Variants in ANKRD36C observed in about 807,000 individuals in gnomAD.
ANKRD36C encodes the protein ankyrin repeat domain 36C.
In ANKRD36C, 61 loss-of-function variants were observed where a neutral mutation model predicts 276.4. The observed-to-expected ratio is 0.22, with a 90% confidence interval of 0.18 to 0.27. The LOEUF is 0.27. ANKRD36C is among the 10% of genes least tolerant of loss of function. ANKRD36C has a pLI of 1.00. For synonymous variants in ANKRD36C, 483 were observed against 680.1 expected, an observed-to-expected ratio of 0.71 and a Z score of 4.51; for missense variants, 1,447 against 2,032.3, an observed-to-expected ratio of 0.71 and a Z score of 5.54.
intron 3 of ANKRD36C, among the ~76,000 whole-genome samples, chr2:95,982,792 G>C (rs928257974): frequency 1.1e-4 from 12 of 113,536 alleles, no homozygotes; most frequent in Admixed American, 3.0e-4. Context: ...TCTATAGAGC[G>C]GTGTTTCTTA....
chr2:95,895,738 G>A (rs1486371713), intron 44 of ANKRD36C, 148 bp from the exon 61 acceptor site: 2 of 1,390,018 alleles, frequency 1.4e-6, no homozygotes, highest in Non-Finnish European at 9.8e-7. Context: ...GGGACCAGAA[G>A]GTGACAGAAA....
chr2:95,884,175 G>T, exon 54 of ANKRD36C: 3 of 1,606,392 alleles, frequency 1.9e-6, no homozygotes, highest in East Asian at 4.5e-5. Flanking sequence ...AAAATTACCT[G>T]TCCCAGATTT....
At chr2:95,883,702 T>G (rs934555756) in intron 54 of ANKRD36C, among the ~76,000 whole-genome samples, 1 of 152,080 alleles carries the variant, frequency 6.6e-6, no homozygotes, top group Non-Finnish European at 1.5e-5. Context: ...CCCTCCTTTC[T>G]GCCTGACAAT....
chr2:95,850,785 C>T (rs1675275776), downstream of ANKRD36C, among the ~76,000 whole-genome samples: 1 of 152,146 alleles, frequency 6.6e-6, no homozygotes, highest in Admixed American at 6.5e-5. Flanking sequence ...ATTATTATCA[C>T]GAGTGTGGGG....
At chr2:95,940,221 A>T (rs996192600) in intron 20 of ANKRD36C, among the ~76,000 whole-genome samples, 3 of 152,304 alleles carry the variant, frequency 2.0e-5, no homozygotes. Context: ...ATGGGGTTTC[A>T]CCATGTTAGC....
chr2:95,962,847 G>A (rs1338012211), intron 6 of ANKRD36C, among the ~76,000 whole-genome samples: 1 of 151,924 alleles, frequency 6.6e-6, no homozygotes, highest in African/African-American at 2.4e-5. Context: ...AAACAAATGT[G>A]GTCTAAAAAC....
intron 59 of ANKRD36C, among the ~76,000 whole-genome samples, chr2:95,876,198 C>T (rs1451827717): frequency 1.3e-5 from 2 of 151,952 alleles, no homozygotes; most frequent in Non-Finnish European, 2.9e-5. Context: ...AATAGAAGTG[C>T]AAACAATATC....
At chr2:95,948,658 C>T (rs540408613) in intron 16 of ANKRD36C, 62 bp from the exon 17 acceptor site, 23 of 1,495,360 alleles carry the variant, frequency 1.5e-5, no homozygotes, top group African/African-American at 1.1e-4. Context: ...AAACAAAAAC[C>T]GTCAGTCTAT....
intron 66 of ANKRD36C, 28 bp downstream of exon 86, chr2:95,851,666 T>C: frequency 6.9e-7 from 1 of 1,449,168 alleles, no homozygotes. Flanking sequence ...TCCTTTTCAG[T>C]ATGACAGAAA....
Position 95,948,602 on chromosome 2 carries a change from G to C in ANKRD36C, c.1296-6C>G, listed in dbSNP as rs1412399063. 3 of 1,534,154 alleles carry C rather than the reference G, an allele frequency of 2.0e-6. No homozygotes were observed. Among genetic ancestry groups the C allele is most frequent in the African/African-American group, 1.4e-5 (1 of 72,784 alleles). ...GGTCCAGTAGGTAGAGACACCTACA[G>C]AGCAAAAAGATATGAAAAAAATGAG... On this transcript the variant is annotated splice_polypyrimidine_tract_variant and splice_region_variant and intron_variant, in intron 16 of 66. Coordinates refer to ENST00000456556, the Ensembl canonical transcript of ANKRD36C.
intron 32 of ANKRD36C, among the ~76,000 whole-genome samples, chr2:95,922,399 G>A (rs1032059376): frequency 6.6e-6 from 1 of 151,448 alleles, no homozygotes; most frequent in African/African-American, 2.4e-5. Flanking sequence ...TATCCATGTG[G>A]TGCAACAATT....
chr2:95,912,463 C>G (rs1357805004), intron 40 of ANKRD36C, 28 bp from the exon 43 acceptor site: 1 of 1,604,696 alleles, frequency 6.2e-7, no homozygotes, highest in Non-Finnish European at 8.5e-7. Context: ...TACATAATCA[C>G]TCACACGTAA....
At chr2:95,851,507 T>C (rs573460053) in intron 66 of ANKRD36C, among the ~76,000 whole-genome samples, 187 bp downstream of exon 86, 108 of 152,056 alleles carry the variant, frequency 7.1e-4, no homozygotes, top group African/African-American at 2.6e-3. Context: ...ATATGAAACA[T>C]AAATGAATTT....
intron 24 of ANKRD36C, among the ~76,000 whole-genome samples, chr2:95,934,798 G>A (rs993223303): frequency 6.6e-5 from 10 of 152,282 alleles, no homozygotes; most frequent in Non-Finnish European, 1.3e-4. Flanking sequence ...TTGGTTACCT[G>A]TAGGCAATGA....
chr2:95,927,292 T>G lies in ANKRD36C; in HGVS notation c.1867-6A>C, dbSNP rs372277988. The G allele has an allele frequency of 2.5e-6, 4 of 1,609,570 alleles. No homozygotes were observed. The African/African-American group carries it at 4.0e-5, about 16-fold the overall frequency. On this transcript the variant is annotated splice_polypyrimidine_tract_variant and splice_region_variant and intron_variant, in intron 27 of 66. Transcript: ENST00000456556. Reference sequence around the variant, plus strand: ...TCTTTCTCATCACTTGTAGCCTGAATGGGATTTGAAACAAAATAATCAATA... The same window carrying G: ...TCTTTCTCATCACTTGTAGCCTGAAGGGGATTTGAAACAAAATAATCAATA...
At chr2:95,938,418 G>A (rs1230016715) in intron 22 of ANKRD36C, among the ~76,000 whole-genome samples, 1 of 149,650 alleles carries the variant, frequency 6.7e-6, no homozygotes, top group Non-Finnish European at 1.5e-5. Flanking sequence ...GATTCTCAAT[G>A]TAACAACACT....
At chr2:95,991,627 T>C (rs753526352) in exon 1 of ANKRD36C, 2 of 1,613,946 alleles carry the variant, frequency 1.2e-6, no homozygotes, top group African/African-American at 1.3e-5. Flanking sequence ...TACGGTTTAA[T>C]GGGGTATTGG....
intron 40 of ANKRD36C, among the ~76,000 whole-genome samples, 197 bp from the exon 43 acceptor site, chr2:95,912,632 C>T (rs1219659131): frequency 6.6e-6 from 1 of 151,258 alleles, no homozygotes; most frequent in Non-Finnish European, 1.5e-5. Context: ...ATGAAATATA[C>T]CCTTACAATT....
chr2:95,970,648 C>T (rs904794402), intron 6 of ANKRD36C, among the ~76,000 whole-genome samples: 1 of 152,048 alleles, frequency 6.6e-6, no homozygotes, highest in Non-Finnish European at 1.5e-5. Context: ...TGATGGAGAA[C>T]CTAGTTATAA....
Sources: allele counts gnomAD v4.1 joint callset (sites outside exome capture counted in the v4.1 genomes callset), GRCh38; gene constraint gnomAD v4.1.1; transcripts MANE v1.5; gene names NCBI Gene and HGNC (gene_info 2026-07-23, HGNC 2026-07-21).